Variants in POLR2B observed in about 807,000 individuals in gnomAD.
POLR2B encodes RNA polymerase II subunit B.
In POLR2B, 57 loss-of-function variants were observed where a neutral mutation model predicts 144.6. That is an observed-to-expected ratio of 0.39 (90% confidence interval 0.32 to 0.49). POLR2B has a LOEUF of 0.49. POLR2B is among the 20% of genes least tolerant of loss of function. The pLI, the probability that POLR2B is intolerant of heterozygous loss-of-function variation, is 0.83. For synonymous variants in POLR2B, 442 were observed against 469.8 expected, an observed-to-expected ratio of 0.94 and a Z score of 0.77; for missense variants, 595 against 1,467.4, an observed-to-expected ratio of 0.41 and a Z score of 9.71.
At chr4:57,009,134 A>G (rs1723113185) in intron 10 of POLR2B, among the ~76,000 whole-genome samples, 1 of 152,224 alleles carries the variant, frequency 6.6e-6, no homozygotes, top group Non-Finnish European at 1.5e-5. Context: ...GGAAATATTT[A>G]GGAAGTAAGT....
intron 10 of POLR2B, among the ~76,000 whole-genome samples, chr4:57,007,240 T>A (rs1723047128): frequency 6.6e-6 from 1 of 152,106 alleles, no homozygotes; most frequent in Non-Finnish European, 1.5e-5. Flanking sequence ...CGAAACCCCA[T>A]CTCTATTAAA....
At chr4:56,986,449 T>G in intron 2 of POLR2B, 23 bp downstream of exon 2, 2 of 1,522,172 alleles carry the variant, frequency 1.3e-6, no homozygotes, top group South Asian at 2.3e-5. Flanking sequence ...CAAACTGAAT[T>G]AGCCTGAAAA....
chr4:57,001,830 G>C (rs1055448311), intron 7 of POLR2B, among the ~76,000 whole-genome samples: 2 of 152,140 alleles, frequency 1.3e-5, no homozygotes, highest in African/African-American at 4.8e-5. Flanking sequence ...AACAGTAAAT[G>C]ATATTCTTAA....
intron 7 of POLR2B, among the ~76,000 whole-genome samples, chr4:57,000,080 A>G (rs1722806669): frequency 6.6e-6 from 1 of 152,354 alleles, no homozygotes; most frequent in South Asian, 2.1e-4. Flanking sequence ...TAAAAAGGGA[A>G]AATGAGTAGT....
Position 57,025,003 on chromosome 4 carries a change from T to G in POLR2B, c.3078+4T>G. Reference sequence around the variant, plus strand: ...CTATCATCTCAGAGGAAATGAGGTATATTTGCTCTTATAGTAGTAATTTGC... The same window carrying G: ...CTATCATCTCAGAGGAAATGAGGTAGATTTGCTCTTATAGTAGTAATTTGC... On this transcript the variant is annotated splice_donor_region_variant and intron_variant, in intron 22 of 24. Coordinates refer to ENST00000314595, the MANE Select transcript of POLR2B (RefSeq NM_000938.3). 1.6e-4 allele frequency: 212 copies of G among 1,358,362 alleles called. No individual in the cohort carries two copies. Among genetic ancestry groups the G allele is most frequent in the Non-Finnish European group, 2.1e-4 (197 of 960,024 alleles). 84.1% of individuals were successfully genotyped at this position (1,358,362 alleles called of 1,614,324 possible).
At chr4:56,979,047 GC>G in intron 1 of POLR2B, 43 bp downstream of exon 1, 5 of 1,604,362 alleles carry the variant, frequency 3.1e-6, no homozygotes, top group Non-Finnish European at 4.3e-6. Context: ...GTCCATTTAA[GC>G]AGGAAAGCGT....
At position 57,010,400 on chromosome 4, in the gene POLR2B, C is replaced by G; in HGVS notation, c.1444C>G (p.Leu482Val). The change falls in exon 11 of 25, where the codon CTG becomes GTG. Residue 482 changes from leucine to valine, a missense_variant. Coordinates refer to ENST00000314595, the MANE Select transcript of POLR2B (RefSeq NM_000938.3). ...GACTTTTGCGTCTACTCTTTCTCACCTGCGTCGTTTAAATTCTCCTATTGG... is the reference window on the plus strand; with the variant it reads ...GACTTTTGCGTCTACTCTTTCTCACGTGCGTCGTTTAAATTCTCCTATTGG... Reference protein sequence around the residue: ...RLTFASTLSHLRRLNSPIGRD... With the variant: ...RLTFASTLSHVRRLNSPIGRD... 6.2e-7 allele frequency: 1 copy of G among 1,613,862 alleles called. No homozygotes were observed. The highest frequency in any genetic ancestry group is 8.5e-7 in the Non-Finnish European group (1 of 1,179,910).
At position 57,017,473 on chromosome 4, in the gene POLR2B, A is replaced by G. The variant is rs1461774523; in HGVS notation, c.2155-87A>G. ...TTGAAAAAAATCAGGAGTTTTACCAATCATATTTCTTTTGATTTATTGTCA... is the reference window on the plus strand; with the variant it reads ...TTGAAAAAAATCAGGAGTTTTACCAGTCATATTTCTTTTGATTTATTGTCA... On this transcript the variant is annotated intron_variant, in intron 15 of 24. Coordinates refer to ENST00000314595, the MANE Select transcript of POLR2B (RefSeq NM_000938.3). The surrounding 1 kb of genome is among the most constrained non-coding windows in gnomAD (Gnocchi z 4.8). The G allele has an allele frequency of 5.2e-6, 6 of 1,144,348 alleles. No homozygotes were observed. Among genetic ancestry groups the G allele is most frequent in the Non-Finnish European group, 7.4e-6 (6 of 809,006 alleles). 70.9% of individuals were successfully genotyped at this position (1,144,348 alleles called of 1,614,324 possible).
At chr4:57,021,340 GACAA>G (rs1723541945) in intron 17 of POLR2B, among the ~76,000 whole-genome samples, 2 of 152,026 alleles carry the variant, frequency 1.3e-5, no homozygotes, top group South Asian at 4.2e-4. Flanking sequence ...TTTGATTGTC[GACAA>G]ACAGACCTCA....
At chr4:57,021,109 A>T in intron 17 of POLR2B, 114 bp downstream of exon 17, 1 of 685,772 alleles carries the variant, frequency 1.5e-6, no homozygotes, top group South Asian at 1.6e-5. Flanking sequence ...AAGTGGAAGG[A>T]CTGGTTGATG....
chr4:57,001,955 A>G, intron 7 of POLR2B, among the ~76,000 whole-genome samples: 1 of 152,096 alleles, frequency 6.6e-6, no homozygotes. Flanking sequence ...AGTTATTTGA[A>G]TATTTGTTGG....
chr4:57,021,796 A>T (rs1447128266), intron 17 of POLR2B, among the ~76,000 whole-genome samples: 1 of 152,142 alleles, frequency 6.6e-6, no homozygotes, highest in African/African-American at 2.4e-5. Flanking sequence ...CACCATGCTC[A>T]GCCAATGTTA....
intron 7 of POLR2B, among the ~76,000 whole-genome samples, 182 bp downstream of exon 7, chr4:56,999,963 G>A (rs1722803243): frequency 6.6e-6 from 1 of 152,166 alleles, no homozygotes; most frequent in South Asian, 2.1e-4. Context: ...CTGACAGTTT[G>A]TTGTAAAATA....
intron 23 of POLR2B, among the ~76,000 whole-genome samples, chr4:57,026,862 G>A (rs1026616633): frequency 5.6e-4 from 86 of 152,278 alleles, no homozygotes; most frequent in African/African-American, 2.0e-3. Flanking sequence ...ACATTTTTGC[G>A]AATCTCTCTA....
intron 1 of POLR2B, among the ~76,000 whole-genome samples, chr4:56,980,556 T>C (rs999852194): frequency 6.6e-6 from 1 of 151,998 alleles, no homozygotes; most frequent in Non-Finnish European, 1.5e-5. Context: ...CCCCTCTCTA[T>C]AAGAAATAGA....
intron 10 of POLR2B, among the ~76,000 whole-genome samples, chr4:57,008,227 C>T (rs1303913988): frequency 4.5e-5 from 6 of 131,874 alleles, no homozygotes; most frequent in Admixed American, 4.2e-4. Context: ...TTTTTTGAGA[C>T]AGAGTCTTGC....
chr4:57,006,731 A>G (rs1723030685), intron 9 of POLR2B, 85 bp from the exon 10 acceptor site: 1 of 1,127,988 alleles, frequency 8.9e-7, no homozygotes, highest in African/African-American at 1.6e-5. Flanking sequence ...CACCTTCCCC[A>G]CGCTTTTTTT....
chr4:57,014,357 A>G (rs988816254), intron 13 of POLR2B, among the ~76,000 whole-genome samples: 5 of 150,896 alleles, frequency 3.3e-5, no homozygotes, highest in Non-Finnish European at 7.4e-5. Context: ...CCACGCCCAG[A>G]TAATTTTTGT....
intron 7 of POLR2B, among the ~76,000 whole-genome samples, chr4:57,000,241 G>A (rs1722810867): frequency 6.6e-6 from 1 of 152,164 alleles, no homozygotes. Context: ...ACCAGTCTGG[G>A]CAACACAGGG....
Sources: allele counts gnomAD v4.1 joint callset (sites outside exome capture counted in the v4.1 genomes callset), GRCh38; gene constraint gnomAD v4.1.1; non-coding constraint Gnocchi (gnomAD v3.1); transcripts MANE v1.5; gene names NCBI Gene and HGNC (gene_info 2026-07-23, HGNC 2026-07-21).